The following ZBTB7C variants were observed in gnomAD, a reference collection of about 807,000 sequenced individuals.
ZBTB7C encodes zinc finger and BTB domain containing 7C.
Under a neutral mutation model 25.7 loss-of-function variants are expected in ZBTB7C, and 8 were observed. The ratio of observed to expected loss-of-function variants is 0.31; its 90% CI spans 0.18 to 0.56. ZBTB7C has a LOEUF of 0.56. Among genes scored for constraint, ZBTB7C ranks in the 20% least tolerant of loss-of-function variants. ZBTB7C has a pLI of 0.91. For synonymous variants in ZBTB7C, 394 were observed against 369.0 expected, an observed-to-expected ratio of 1.07 and a Z score of -0.78; for missense variants, 824 against 855.2, an observed-to-expected ratio of 0.96 and a Z score of 0.46.
chr18:48,292,253 C>A (rs1397538357), intron 2 of ZBTB7C, among the ~76,000 whole-genome samples: 1 of 152,092 alleles, frequency 6.6e-6, no homozygotes, highest in Non-Finnish European at 1.5e-5. Flanking sequence ...ACTGTACATA[C>A]ATTATCAAGA....
chr18:48,410,035 G>A (rs993973422), upstream of ZBTB7C, among the ~76,000 whole-genome samples: 2 of 139,892 alleles, frequency 1.4e-5, no homozygotes, highest in African/African-American at 6.2e-5. Context: ...GGCAGAGATG[G>A]GCTCTGCCGC....
chr18:48,242,909 G>T (rs1315658778), intron 2 of ZBTB7C, among the ~76,000 whole-genome samples: 1 of 152,088 alleles, frequency 6.6e-6, no homozygotes, highest in East Asian at 1.9e-4. Flanking sequence ...AAGTCAAACT[G>T]TCATTGCTCA....
At chr18:48,364,559 C>T (rs566668389) in intron 1 of ZBTB7C, among the ~76,000 whole-genome samples, 1 of 151,976 alleles carries the variant, frequency 6.6e-6, no homozygotes, top group South Asian at 2.1e-4. Context: ...ATGAAGAGGC[C>T]GTATAGGAGG....
chr18:48,221,220 T>C (rs2042945838), intron 2 of ZBTB7C, among the ~76,000 whole-genome samples: 1 of 149,704 alleles, frequency 6.7e-6, no homozygotes, highest in African/African-American at 2.5e-5. Flanking sequence ...ATACTATCCT[T>C]GTCTCCTCTA....
Position 48,154,632 on chromosome 18 carries a change from A to G in ZBTB7C, c.-17+31302T>C, listed in dbSNP as rs550890779. 2.0e-5 allele frequency among the ~76,000 whole-genome samples: 3 copies of G among 152,232 alleles called. No individual in the cohort carries two copies. In the East Asian group the frequency reaches 5.8e-4, roughly 29 times the overall value. On this transcript the variant is annotated intron_variant, in intron 3 of 4. Coordinates refer to ENST00000590800, the MANE Select transcript of ZBTB7C (RefSeq NM_001318841.2). ...CTTAAGTCTTGAAAGCAATATAGACACCTTATGGAAAACTTGATGTGTCTA... is the reference window on the plus strand; with the variant it reads ...CTTAAGTCTTGAAAGCAATATAGACGCCTTATGGAAAACTTGATGTGTCTA...
At chr18:48,114,415 A>C (rs1320899415) in intron 3 of ZBTB7C, among the ~76,000 whole-genome samples, 2 of 152,148 alleles carry the variant, frequency 1.3e-5, no homozygotes, top group African/African-American at 4.8e-5. Flanking sequence ...CAACCTGGCC[A>C]ACATGGTGAG....
At chr18:48,113,869 G>A (rs2039332299) in intron 3 of ZBTB7C, among the ~76,000 whole-genome samples, 1 of 152,190 alleles carries the variant, frequency 6.6e-6, no homozygotes, top group Admixed American at 6.5e-5. Context: ...GCACAAGGTG[G>A]CTGTGAAAAC....
At chr18:48,175,337 G>A (rs1165679754) in intron 3 of ZBTB7C, among the ~76,000 whole-genome samples, 3 of 152,184 alleles carry the variant, frequency 2.0e-5, no homozygotes, top group Non-Finnish European at 2.9e-5. Context: ...AATATAGGAT[G>A]AGCAAAGGAG....
chr18:48,370,330 ATAAG>A (rs2047358390), intron 1 of ZBTB7C, among the ~76,000 whole-genome samples: 1 of 152,266 alleles, frequency 6.6e-6, no homozygotes, highest in African/African-American at 2.4e-5. Context: ...AAAGGATTAC[ATAAG>A]TATTATATGA....
intron 2 of ZBTB7C, among the ~76,000 whole-genome samples, chr18:48,199,609 G>T (rs751364429): frequency 1.3e-5 from 2 of 151,822 alleles, no homozygotes; most frequent in Non-Finnish European, 2.9e-5. Flanking sequence ...TTTTTCTGTT[G>T]TTGTATAATT....
At chr18:48,130,025 T>A (rs1348810301) in intron 3 of ZBTB7C, among the ~76,000 whole-genome samples, 1 of 152,172 alleles carries the variant, frequency 6.6e-6, no homozygotes, top group East Asian at 1.9e-4. Flanking sequence ...AGCCTGCTGA[T>A]GGCAGAGCCC....
intron 2 of ZBTB7C, among the ~76,000 whole-genome samples, chr18:48,232,328 A>G (rs907202075): frequency 6.6e-6 from 1 of 152,226 alleles, no homozygotes; most frequent in African/African-American, 2.4e-5. Context: ...CTTAAGAGAG[A>G]GCCCAGCTAA....
In ZBTB7C at chr18:48,027,344, C is replaced by T. The variant is rs952787115; in HGVS notation, c.*1916G>A. On this transcript the variant is annotated 3_prime_UTR_variant, in exon 5 of 5. Coordinates refer to ENST00000590800, the MANE Select transcript of ZBTB7C (RefSeq NM_001318841.2). ...CAAAAGCCCCAACACCACTGGATTC[C>T]AATTTATTCATGTTTCCTTTTTTTT... 2.7e-5 allele frequency: 4 copies of T among 149,746 alleles called. No individual in the cohort carries two copies. The highest frequency in any genetic ancestry group is 5.9e-5 in the Non-Finnish European group (4 of 67,708). The allele number at this position is 149,746 out of a possible 1,614,324, so 9.3% of individuals were successfully genotyped here.
intron 2 of ZBTB7C, among the ~76,000 whole-genome samples, chr18:48,219,433 T>C (rs572159313): frequency 6.6e-6 from 1 of 152,354 alleles, no homozygotes; most frequent in Admixed American, 6.5e-5. Context: ...ATTTACTCCC[T>C]ACTGTATCCC....
rs1374857434 is a variant in ZBTB7C, at chr18:48,029,696, G to A, written c.1424C>T (p.Ala475Val). 2 of 1,599,198 alleles carry A rather than the reference G, an allele frequency of 1.3e-6. No individual in the cohort carries two copies. Among genetic ancestry groups the A allele is most frequent in the East Asian group, 4.5e-5 (2 of 44,524 alleles). The change falls in exon 5 of 5, where the codon GCA (alanine) becomes GTA (valine). Residue 475 changes from alanine to valine, a missense_variant. Transcript: ENST00000590800. The part of the protein sequence containing the change: ...RHIKRQSCRM[A>V]RPRRGRKPAA... ...AGGCTTGCGGCCGCGTCGGGGCCGT[G>A]CCATGCGGCAGCTCTGGCGCTTGAT...
chr18:48,291,228 G>A (rs1408643457), intron 2 of ZBTB7C, among the ~76,000 whole-genome samples: 2 of 152,136 alleles, frequency 1.3e-5, no homozygotes, highest in Non-Finnish European at 2.9e-5. Context: ...TATGGCAATG[G>A]GCTTCCCATC....
At chr18:48,122,845 A>G (rs1408987532) in intron 3 of ZBTB7C, among the ~76,000 whole-genome samples, 1 of 152,192 alleles carries the variant, frequency 6.6e-6, no homozygotes, top group Non-Finnish European at 1.5e-5. Flanking sequence ...AAACGAATGA[A>G]TGAGCAGATG....
At chr18:48,346,106 A>T (rs1188947803) in intron 1 of ZBTB7C, among the ~76,000 whole-genome samples, 9 of 151,496 alleles carry the variant, frequency 5.9e-5, no homozygotes, top group Non-Finnish European at 1.3e-4. Context: ...TTTAATGTTT[A>T]CATGCTTCTC....
intron 3 of ZBTB7C, among the ~76,000 whole-genome samples, chr18:48,085,843 G>T (rs186034350): frequency 2.0e-5 from 3 of 152,246 alleles, no homozygotes; most frequent in East Asian, 1.9e-4. Flanking sequence ...CAGGGGCCCT[G>T]CCTGGCTCCA....
Sources: allele counts gnomAD v4.1 joint callset (sites outside exome capture counted in the v4.1 genomes callset), GRCh38; gene constraint gnomAD v4.1.1; transcripts MANE v1.5; gene names NCBI Gene and HGNC (gene_info 2026-07-23, HGNC 2026-07-21).